GNA12: variants seen among roughly 807,000 people sequenced by gnomAD.
GNA12 encodes the protein guanine nucleotide-binding protein subunit alpha-12.
A neutral mutation model predicts 26.0 loss-of-function variants in GNA12; 9 were observed. The observed-to-expected ratio is 0.35, with a 90% confidence interval of 0.21 to 0.60. GNA12 has a LOEUF of 0.60. GNA12 is among the 20% of genes least tolerant of loss of function. The probability of loss-of-function intolerance (pLI) is 0.78; values close to 1 mark genes in which losing one functional copy is unlikely to be tolerated. For synonymous variants in GNA12, 264 were observed against 219.6 expected (o/e 1.20, Z -1.79); for missense variants, 405 against 525.8 (o/e 0.77, Z 2.25).
chr7:2,822,148 T>A (rs984282076), intron 1 of GNA12, among the ~76,000 whole-genome samples: 4 of 152,244 alleles, frequency 2.6e-5, no homozygotes, highest in Non-Finnish European at 4.4e-5. Flanking sequence ...CCATTCTCTT[T>A]TAACTTTTTA....
At chr7:2,740,579 G>A (rs142391989) in intron 2 of GNA12, among the ~76,000 whole-genome samples, 66 of 152,266 alleles carry the variant, frequency 4.3e-4, no homozygotes, top group African/African-American at 1.5e-3. Context: ...GGCAGCTTGA[G>A]CCGACAAATA....
intron 2 of GNA12, chr7:2,763,191 A>AACACACACAC (rs56384682): frequency 0.024 from 5,379 of 222,524 alleles, 172 homozygotes; most frequent in South Asian, 0.049. Flanking sequence ...AAGACACCCC[A>AACACACACAC]ACACACACAC....
chr7:2,812,935 C>T (rs1197131294), intron 1 of GNA12, among the ~76,000 whole-genome samples: 1 of 152,220 alleles, frequency 6.6e-6, no homozygotes, highest in South Asian at 2.1e-4. Flanking sequence ...CTTTACTTTT[C>T]AAACTTTAAA....
intron 2 of GNA12, among the ~76,000 whole-genome samples, chr7:2,745,781 C>T (rs1316089901): frequency 2.6e-5 from 4 of 152,130 alleles, no homozygotes; most frequent in East Asian, 1.9e-4. Context: ...ACCCATCTCA[C>T]GTGCAGAGAC....
At position 2,733,956 on chromosome 7, in the gene GNA12, C is replaced by T. The variant is rs138888908; in HGVS notation, c.526-455G>A. Among the ~76,000 whole-genome samples, 51 of 152,336 alleles carry T rather than the reference C, an allele frequency of 3.3e-4. No homozygotes were observed. In the East Asian group the frequency reaches 6.2e-3, roughly 18 times the overall value. ...TGTCCTTAAAGACAAAACATCCTGA[C>T]GAAAAGGAGCATCTAGCAAAACATC... On this transcript the variant is annotated intron_variant, in intron 2 of 3. Transcript: ENST00000275364.
intron 1 of GNA12, among the ~76,000 whole-genome samples, chr7:2,831,892 G>A (rs950431304): frequency 1.5e-4 from 23 of 152,150 alleles, no homozygotes; most frequent in African/African-American, 5.1e-4. Context: ...AATGGAAACC[G>A]GAAGGCAGGT....
chr7:2,843,553 G>A (rs1472900650), intron 1 of GNA12, among the ~76,000 whole-genome samples: 14 of 152,066 alleles, frequency 9.2e-5, no homozygotes, highest in African/African-American at 3.1e-4. Flanking sequence ...AGGCTAAGGA[G>A]GGAGTAGGGC....
In GNA12 at chr7:2,794,967, G is replaced by A. The variant is rs1251189121; in HGVS notation, c.486C>T (p.Gly162=). 1.2e-6 allele frequency: 2 copies of A among 1,614,058 alleles called. No homozygotes were observed. Among genetic ancestry groups the A allele is most frequent in the East Asian group, 2.2e-5 (1 of 44,892 alleles). The stretch of plus-strand genomic sequence containing the variant: ...TTCTCCGGCTGAAAGCCTCCCTGAT[G>A]CCAGAATCCCTCCAGAGTGCGCTCA... The part of the protein sequence containing the change: ...PALSALWRDS[G]IREAFSRRSE... The change falls in exon 2 of 4, where the codon GGC becomes GGT. Residue 162 remains glycine, a synonymous_variant. Transcript: ENST00000275364.
chr7:2,742,257 C>G (rs1250659721), intron 2 of GNA12, among the ~76,000 whole-genome samples: 1 of 152,072 alleles, frequency 6.6e-6, no homozygotes, highest in African/African-American at 2.4e-5. Context: ...CTTAAGTGAT[C>G]TGCCCGCCTC....
At chr7:2,771,646 G>A (rs1562420033) in intron 2 of GNA12, among the ~76,000 whole-genome samples, 1 of 152,072 alleles carries the variant, frequency 6.6e-6, no homozygotes, top group Non-Finnish European at 1.5e-5. Context: ...CCCTTTCCTG[G>A]CTGAGCAGTA....
intron 1 of GNA12, among the ~76,000 whole-genome samples, chr7:2,801,919 C>T (rs1472744757): frequency 1.3e-5 from 2 of 151,954 alleles, no homozygotes; most frequent in African/African-American, 2.4e-5. Flanking sequence ...ATGTATTTAC[C>T]GTACTTTTGC....
At chr7:2,804,992 C>T (rs182190836) in intron 1 of GNA12, among the ~76,000 whole-genome samples, 5 of 152,214 alleles carry the variant, frequency 3.3e-5, no homozygotes, top group African/African-American at 1.2e-4. Flanking sequence ...ATGTGTGCAG[C>T]GCATGGTGGT....
intron 1 of GNA12, among the ~76,000 whole-genome samples, chr7:2,805,227 T>C (rs989844842): frequency 3.3e-5 from 5 of 152,246 alleles, no homozygotes; most frequent in Non-Finnish European, 7.3e-5. Flanking sequence ...TCTGCGTTCA[T>C]GGGACTAAGC....
At chr7:2,753,656 C>T (rs550032439) in intron 2 of GNA12, among the ~76,000 whole-genome samples, 1 of 152,254 alleles carries the variant, frequency 6.6e-6, no homozygotes, top group South Asian at 2.1e-4. Flanking sequence ...CATTCATGTA[C>T]AGGTGTGGTG....
intron 1 of GNA12, among the ~76,000 whole-genome samples, chr7:2,811,125 G>A (rs962551697): frequency 1.3e-5 from 2 of 152,148 alleles, no homozygotes; most frequent in African/African-American, 2.4e-5. Context: ...AGGAAATACA[G>A]ACTACAAGGA....
chr7:2,836,721 C>G (rs534393795), intron 1 of GNA12, among the ~76,000 whole-genome samples: 1 of 151,998 alleles, frequency 6.6e-6, no homozygotes, highest in Non-Finnish European at 1.5e-5. Context: ...GTCAGGAGTT[C>G]GAGACCAGCC....
intron 2 of GNA12, among the ~76,000 whole-genome samples, chr7:2,793,520 C>A (rs1009710914): frequency 6.6e-5 from 10 of 152,084 alleles, no homozygotes; most frequent in Admixed American, 2.0e-4. Flanking sequence ...GGACTATTAG[C>A]AGACTATATA....
intron 2 of GNA12, among the ~76,000 whole-genome samples, chr7:2,751,923 G>A (rs894312625): frequency 2.6e-5 from 4 of 152,070 alleles, no homozygotes; most frequent in African/African-American, 7.2e-5. Context: ...TATCAAACAC[G>A]TAAAGAAGAA....
rs114779441 is a variant in GNA12, at chr7:2,788,574, A to T, written c.525+6354T>A. Among the ~76,000 whole-genome samples the T allele has an allele frequency of 1.6e-3, 249 of 152,388 alleles. 1 individual carries two copies. The highest frequency in any genetic ancestry group is 5.6e-3 in the African/African-American group (235 of 41,594). ...TGAAAAACAATAAGTAGTTCCACTT[A>T]TTCAGGCAATTCTGTACCTAAAGAT... On this transcript the variant is annotated intron_variant, in intron 2 of 3. Transcript: ENST00000275364.
Sources: gnomAD v4.1 joint callset for allele counts (sites outside exome capture counted in the v4.1 genomes callset) on GRCh38, gnomAD v4.1.1 for gene constraint, MANE v1.5 for transcripts, NCBI Gene and HGNC (gene_info 2026-07-23, HGNC 2026-07-21) for gene names.